The following PRDM6 variants were observed in gnomAD, a reference collection of about 807,000 sequenced individuals.
PRDM6 encodes the protein putative histone-lysine N-methyltransferase PRDM6.
PRDM6 carries 25 observed loss-of-function variants against 60.8 expected under a neutral mutation model. That is an observed-to-expected ratio of 0.41 (90% CI 0.30 to 0.57). The LOEUF (loss-of-function observed/expected upper bound fraction) is 0.57, where lower values mean the gene tolerates loss of function less well. PRDM6 is among the 20% of genes least tolerant of loss of function. PRDM6 has a pLI of 0.27. For missense variants in PRDM6, 839 were observed against 821.3 expected, an observed-to-expected ratio of 1.02 and a Z score of -0.26; for synonymous variants, 407 against 357.4, an observed-to-expected ratio of 1.14 and a Z score of -1.57.
chr5:123,155,498 AC>A (rs1314984531), intron 3 of PRDM6, among the ~76,000 whole-genome samples: 2 of 151,824 alleles, frequency 1.3e-5, no homozygotes, highest in African/African-American at 4.8e-5. Flanking sequence ...TGTGTTTGAG[AC>A]TGGGGGGCCT....
chr5:123,115,484 C>T (rs1229519480), intron 3 of PRDM6, among the ~76,000 whole-genome samples: 3 of 152,088 alleles, frequency 2.0e-5, no homozygotes, highest in African/African-American at 7.2e-5. Flanking sequence ...ACACTGTTAT[C>T]AAAATTTTTG....
rs1391279880 is a variant in PRDM6, at chr5:123,099,130, T to C, written c.593-524T>C. ...TAATTGTAAAAAGAGGAAAGCTGAA[T>C]ACCCAGACGACCAGTATAGAATCTC... On this transcript the variant is annotated intron_variant, in intron 2 of 7. Coordinates refer to ENST00000407847, the MANE Select transcript of PRDM6 (RefSeq NM_001136239.4). This position sits in a 1 kb window ranked among gnomAD's most constrained non-coding sequence, Gnocchi z 4.0. 6.6e-6 allele frequency among the ~76,000 whole-genome samples: 1 copy of C among 152,102 alleles called. No homozygotes were observed. The highest frequency in any genetic ancestry group is 1.5e-5 in the Non-Finnish European group (1 of 68,028).
chr5:123,176,572 A>G (rs555581583), intron 6 of PRDM6, among the ~76,000 whole-genome samples: 2 of 152,184 alleles, frequency 1.3e-5, no homozygotes, highest in East Asian at 3.9e-4. Flanking sequence ...TTAGCTGGGC[A>G]TGGTGGCACG....
chr5:123,095,795 G>T (rs530055952), intron 2 of PRDM6, among the ~76,000 whole-genome samples: 2 of 152,158 alleles, frequency 1.3e-5, no homozygotes, highest in Admixed American at 1.3e-4. Flanking sequence ...CACTCCCCAC[G>T]CGCCTACACA....
chr5:123,171,858 GTTTA>G (rs887962294), intron 6 of PRDM6, among the ~76,000 whole-genome samples: 6 of 152,122 alleles, frequency 3.9e-5, no homozygotes, highest in Admixed American at 6.5e-5. Context: ...ATCAAAACCG[GTTTA>G]TTTGACAGTT....
intron 6 of PRDM6, among the ~76,000 whole-genome samples, chr5:123,178,826 T>C (rs921910538): frequency 6.6e-6 from 1 of 152,174 alleles, no homozygotes; most frequent in Admixed American, 6.5e-5. Context: ...TTAATTGAAT[T>C]GTTGTACATG....
At chr5:123,140,803 C>G (rs1765080006) in intron 3 of PRDM6, among the ~76,000 whole-genome samples, 1 of 152,100 alleles carries the variant, frequency 6.6e-6, no homozygotes, top group African/African-American at 2.4e-5. Flanking sequence ...TGTGTTTACT[C>G]TTGCTGAGAC....
At chr5:123,185,910 G>C (rs1390667708) in intron 7 of PRDM6, among the ~76,000 whole-genome samples, 1 of 152,204 alleles carries the variant, frequency 6.6e-6, no homozygotes, top group African/African-American at 2.4e-5. Flanking sequence ...ACTATGTCAT[G>C]GTGGCTTTTG....
chr5:123,166,133 A>G (rs910618506), intron 5 of PRDM6, among the ~76,000 whole-genome samples: 9 of 152,138 alleles, frequency 5.9e-5, no homozygotes, highest in Non-Finnish European at 1.2e-4. Context: ...GGCATTGGCA[A>G]TTGTGCTGCC....
chr5:123,163,407 GC>G (rs1765679379), intron 5 of PRDM6, among the ~76,000 whole-genome samples: 1 of 152,166 alleles, frequency 6.6e-6, no homozygotes, highest in African/African-American at 2.4e-5. Flanking sequence ...TTCAGGACGT[GC>G]CCCCTCCGCT....
At position 123,188,947 on chromosome 5, in the gene PRDM6, T is replaced by C. The variant is rs1766346408; in HGVS notation, c.*1746T>C. The stretch of plus-strand genomic sequence containing the variant: ...TACATATATACACATAATAATAATC[T>C]CTAGAACCCTGGGCCATAAAGAAAA... On this transcript the variant is annotated 3_prime_UTR_variant, in exon 8 of 8. Coordinates refer to ENST00000407847, the MANE Select transcript of PRDM6 (RefSeq NM_001136239.4). 1 of 152,148 alleles carries C rather than the reference T, an allele frequency of 6.6e-6. No homozygotes were observed. Among genetic ancestry groups the C allele is most frequent in the African/African-American group, 2.4e-5 (1 of 41,418 alleles). The allele number at this position is 152,148 out of a possible 1,614,324, so 9.4% of individuals were successfully genotyped here. A position where few individuals can be genotyped will look rare whatever the true frequency, so the allele number is the denominator to read the frequency against.
chr5:123,090,126 A>AGCG lies in PRDM6; in HGVS notation c.116_118dup (p.Gly39dup), dbSNP rs1561791143. On this transcript the variant is annotated inframe_insertion, in exon 2 of 8. Transcript: ENST00000407847. ...CGGAGGCGCAGGCCCGCTCAAGGGC[A>AGCG]GCGGCGCCGCGGGTCTCCTGAGCGC... 1 of 1,539,084 alleles carries AGCG rather than the reference A, an allele frequency of 6.5e-7. No homozygotes were observed. The highest frequency in any genetic ancestry group is 2.6e-5 in the East Asian group (1 of 38,992).
At chr5:123,178,385 A>AAT (rs1172443989) in intron 6 of PRDM6, among the ~76,000 whole-genome samples, 1 of 152,222 alleles carries the variant, frequency 6.6e-6, no homozygotes, top group Admixed American at 6.5e-5. Flanking sequence ...AACAGTTTAG[A>AAT]AAATTCAACC....
intron 3 of PRDM6, among the ~76,000 whole-genome samples, chr5:123,118,020 G>C (rs999803581): frequency 3.3e-5 from 5 of 152,228 alleles, no homozygotes; most frequent in Non-Finnish European, 5.9e-5. Flanking sequence ...GGAGCTTACA[G>C]TCTGTGAGGG....
At chr5:123,139,909 G>T (rs1042237432) in intron 3 of PRDM6, among the ~76,000 whole-genome samples, 3 of 152,084 alleles carry the variant, frequency 2.0e-5, no homozygotes, top group Non-Finnish European at 4.4e-5. Flanking sequence ...GGATGCTGCA[G>T]GAAGGGCTTC....
intron 2 of PRDM6, among the ~76,000 whole-genome samples, chr5:123,091,083 C>T (rs1216082529): frequency 6.6e-6 from 1 of 152,172 alleles, no homozygotes; most frequent in Admixed American, 6.5e-5. Context: ...CTCCACCCCA[C>T]CTCTGGAGGG....
rs748002834 is a variant in PRDM6, at chr5:123,133,979, A to G, written c.901-21905A>G. Among the ~76,000 whole-genome samples the G allele has an allele frequency of 9.2e-4, 140 of 152,146 alleles. 2 individuals carry two copies. The highest frequency in any genetic ancestry group is 2.9e-4 in the Non-Finnish European group (20 of 67,964). ...TTATCAAATGCCACACGAACTTTTC[A>G]TTCTGTCTTGTCATTTATTAATTAC... is the stretch of plus-strand genomic sequence containing the variant. On this transcript the variant is annotated intron_variant, in intron 3 of 7. Coordinates refer to ENST00000407847, the MANE Select transcript of PRDM6 (RefSeq NM_001136239.4).
At chr5:123,144,762 A>G (rs561812884) in intron 3 of PRDM6, among the ~76,000 whole-genome samples, 1 of 152,308 alleles carries the variant, frequency 6.6e-6, no homozygotes, top group African/African-American at 2.4e-5. Context: ...GGCAAGGCAT[A>G]CTTTTGAAAG....
chr5:123,164,600 G>T (rs922409060), intron 5 of PRDM6, among the ~76,000 whole-genome samples: 1 of 152,196 alleles, frequency 6.6e-6, no homozygotes, highest in East Asian at 1.9e-4. Flanking sequence ...CCGCAGGGAT[G>T]CTTCTGACTC....
Sources: gnomAD v4.1 joint callset for allele counts (sites outside exome capture counted in the v4.1 genomes callset) on GRCh38, gnomAD v4.1.1 for gene constraint, Gnocchi (gnomAD v3.1) non-coding constraint, MANE v1.5 for transcripts, NCBI Gene and HGNC (gene_info 2026-07-23, HGNC 2026-07-21) for gene names.